Variants in MCU observed in about 807,000 individuals in gnomAD.
MCU encodes calcium uniporter protein, mitochondrial.
A neutral mutation model predicts 45.2 loss-of-function variants in MCU; 12 were observed. That is an observed-to-expected ratio of 0.27 (90% CI 0.17 to 0.43). The LOEUF is 0.43. Among genes scored for constraint, MCU ranks in the 20% least tolerant of loss-of-function variants. The pLI, the probability that MCU is intolerant of heterozygous loss-of-function variation, is 1.00. For synonymous variants in MCU, 160 were observed against 165.1 expected (o/e 0.97, Z 0.24); for missense variants, 324 against 436.7 (o/e 0.74, Z 2.30).
At chr10:72,781,025 A>C (rs553445577) in intron 1 of MCU, among the ~76,000 whole-genome samples, 1 of 152,308 alleles carries the variant, frequency 6.6e-6, no homozygotes, top group African/African-American at 2.4e-5. Context: ...TTGCCTTCTT[A>C]ATGGAATTTT....
At chr10:72,866,606 G>A (rs1454234029) in intron 4 of MCU, among the ~76,000 whole-genome samples, 4 of 151,752 alleles carry the variant, frequency 2.6e-5, no homozygotes, top group African/African-American at 4.8e-5. Flanking sequence ...CATGTTGGCC[G>A]AGCTGGTCTC....
rs535377164 is a variant in MCU at position 72,866,790 on chromosome 10, G to A, written c.497-1913G>A. On this transcript the variant is annotated intron_variant, in intron 4 of 7. Coordinates refer to ENST00000373053, the MANE Select transcript of MCU (RefSeq NM_138357.3). ...GAGCTTGCAGGAGAGATTTAATATT[G>A]GTATAGTAGAAGCACTGTAATGTAG... Among the ~76,000 whole-genome samples the A allele has an allele frequency of 7.2e-5, 11 of 151,988 alleles. No individual in the cohort carries two copies. The East Asian group carries it at 1.7e-3, about 24-fold the overall frequency.
intron 1 of MCU, among the ~76,000 whole-genome samples, chr10:72,804,270 G>A (rs1016939485): frequency 6.6e-6 from 1 of 150,718 alleles, no homozygotes; most frequent in Non-Finnish European, 1.5e-5. Flanking sequence ...TGTATTTTTA[G>A]TAGAGACAGG....
chr10:72,751,883 A>G lies in MCU; in HGVS notation c.150+59582A>G, dbSNP rs375063907. Among the ~76,000 whole-genome samples, 22 of 150,642 alleles carry G rather than the reference A, an allele frequency of 1.5e-4. No individual in the cohort carries two copies. In the East Asian group the frequency reaches 4.3e-3, roughly 30 times the overall value. On this transcript the variant is annotated intron_variant, in intron 1 of 7. Coordinates refer to ENST00000373053, the MANE Select transcript of MCU (RefSeq NM_138357.3). ...GAGACAGAGTCTGGCTCTGTCGCCCAGGCTGGAGTGCAGTGGTGCCATCTC... is the reference window on the plus strand; with the variant it reads ...GAGACAGAGTCTGGCTCTGTCGCCCGGGCTGGAGTGCAGTGGTGCCATCTC...
At chr10:72,696,664 T>C (rs1390103152) in intron 1 of MCU, among the ~76,000 whole-genome samples, 1 of 152,198 alleles carries the variant, frequency 6.6e-6, no homozygotes, top group African/African-American at 2.4e-5. Flanking sequence ...ATGATGTGTA[T>C]CTTATTACCT....
chr10:72,739,095 G>A (rs1328865881), intron 1 of MCU, among the ~76,000 whole-genome samples: 1 of 152,120 alleles, frequency 6.6e-6, no homozygotes, highest in Non-Finnish European at 1.5e-5. Flanking sequence ...CCACAGTGAT[G>A]TGCTATATAT....
intron 1 of MCU, among the ~76,000 whole-genome samples, chr10:72,821,962 G>T (rs1844718463): frequency 6.6e-6 from 1 of 152,104 alleles, no homozygotes; most frequent in Admixed American, 6.6e-5. Context: ...AAATCTTCTG[G>T]TATTTGAAAT....
chr10:72,712,665 G>A (rs991755153), intron 1 of MCU, among the ~76,000 whole-genome samples: 1 of 152,056 alleles, frequency 6.6e-6, no homozygotes, highest in African/African-American at 2.4e-5. Context: ...TAGAAATGAG[G>A]GGACATACTT....
At chr10:72,881,731 A>C (rs1845704489) in intron 6 of MCU, among the ~76,000 whole-genome samples, 1 of 152,226 alleles carries the variant, frequency 6.6e-6, no homozygotes, top group Admixed American at 6.5e-5. Flanking sequence ...CTTCTAATAG[A>C]AGATATGCAA....
intron 1 of MCU, among the ~76,000 whole-genome samples, chr10:72,748,523 A>G (rs952968612): frequency 2.0e-5 from 3 of 152,292 alleles, no homozygotes; most frequent in African/African-American, 7.2e-5. Flanking sequence ...GTGAATGTCA[A>G]GGAGATATAA....
intron 2 of MCU, among the ~76,000 whole-genome samples, chr10:72,842,778 A>T (rs1016550304): frequency 5.9e-5 from 9 of 151,522 alleles, no homozygotes; most frequent in Non-Finnish European, 1.0e-4. Context: ...AATATGAAGA[A>T]AATCAGTTTC....
intron 1 of MCU, among the ~76,000 whole-genome samples, chr10:72,708,591 T>C (rs1842852211): frequency 6.6e-6 from 1 of 152,176 alleles, no homozygotes; most frequent in Non-Finnish European, 1.5e-5. Context: ...ATTCAGTCCA[T>C]GTTGGGTGAA....
At chr10:72,805,101 C>CTCTTTTTCTT (rs1844414395) in intron 1 of MCU, among the ~76,000 whole-genome samples, 1 of 103,398 alleles carries the variant, frequency 9.7e-6, no homozygotes, top group Non-Finnish European at 1.9e-5. Context: ...TTCTTTCTTT[C>CTCTTTTTCTT]TCTTTCTTTC....
chr10:72,817,024 C>T (rs1844638376), intron 1 of MCU, among the ~76,000 whole-genome samples: 1 of 152,130 alleles, frequency 6.6e-6, no homozygotes, highest in Non-Finnish European at 1.5e-5. Flanking sequence ...CATATTCCTC[C>T]CCTGACACCT....
At chr10:72,815,144 T>C (rs770522320) in intron 1 of MCU, among the ~76,000 whole-genome samples, 1 of 152,376 alleles carries the variant, frequency 6.6e-6, no homozygotes, top group African/African-American at 2.4e-5. Flanking sequence ...GTAAATACTT[T>C]AGGCTTTGCA....
intron 1 of MCU, among the ~76,000 whole-genome samples, chr10:72,782,991 T>C (rs1333253079): frequency 6.6e-5 from 10 of 152,228 alleles, no homozygotes; most frequent in Admixed American, 6.5e-4. Context: ...TGAGAGCTTA[T>C]ATTTAAGCTT....
At position 72,777,027 on chromosome 10, in the gene MCU, A is replaced by G. The variant is rs117454329; in HGVS notation, c.151-57332A>G. 4.7e-3 allele frequency among the ~76,000 whole-genome samples: 709 copies of G among 152,328 alleles called. 2 individuals are homozygous for G. Among genetic ancestry groups the G allele is most frequent in the African/African-American group, 0.011 (454 of 41,572 alleles). Reference sequence around the variant, plus strand: ...TAAGTAAAAGATCAAGGAAAACTATAAAACTCTGATGAAAGAAACTGAAGA... The same window carrying G: ...TAAGTAAAAGATCAAGGAAAACTATGAAACTCTGATGAAAGAAACTGAAGA... On this transcript the variant is annotated intron_variant, in intron 1 of 7. Transcript: ENST00000373053.
chr10:72,848,517 A>G (rs981125133), intron 2 of MCU, among the ~76,000 whole-genome samples: 3 of 152,120 alleles, frequency 2.0e-5, no homozygotes, highest in African/African-American at 4.8e-5. Flanking sequence ...GATAATGGCA[A>G]AAATCCAGTT....
intron 1 of MCU, among the ~76,000 whole-genome samples, chr10:72,735,456 G>A (rs1235510800): frequency 2.0e-5 from 3 of 152,146 alleles, no homozygotes; most frequent in African/African-American, 7.2e-5. Flanking sequence ...TTGACAGCAT[G>A]TTCATCATGA....
Sources: gnomAD v4.1 joint callset for allele counts (sites outside exome capture counted in the v4.1 genomes callset) on GRCh38, gnomAD v4.1.1 for gene constraint, MANE v1.5 for transcripts, NCBI Gene and HGNC (gene_info 2026-07-23, HGNC 2026-07-21) for gene names.